Variants in SH3KBP1 observed in about 807,000 individuals in gnomAD.
SH3KBP1 encodes the protein SH3 domain containing kinase binding protein 1.
Under a neutral mutation model 50.1 loss-of-function variants are expected in SH3KBP1, and 8 were observed. The ratio of observed to expected loss-of-function variants is 0.16; its 90% CI spans 0.09 to 0.29. The LOEUF is 0.29. SH3KBP1 is among the 10% of genes least tolerant of loss of function. The pLI is 1.00. For missense variants in SH3KBP1, 377 were observed against 535.2 expected (o/e 0.70, Z 2.92); for synonymous variants, 227 against 218.6 (o/e 1.04, Z -0.34).
chrX:19,584,455 G>A, intron 12 of SH3KBP1, among the ~76,000 whole-genome samples: 1 of 106,478 alleles, frequency 9.4e-6, no homozygotes, highest in East Asian at 2.9e-4. Context: ...TTAGCATCCT[G>A]AGTAGCTGAG....
intron 2 of SH3KBP1, among the ~76,000 whole-genome samples, chrX:19,787,526 T>C (rs2066385314): frequency 9.0e-6 from 1 of 111,451 alleles, no homozygotes; most frequent in Non-Finnish European, 1.9e-5. Context: ...ACAAATTGAA[T>C]CCTCTTGGCA....
At chrX:19,572,450 TTA>T (rs1196008048) in intron 12 of SH3KBP1, among the ~76,000 whole-genome samples, 9 of 107,250 alleles carry the variant, frequency 8.4e-5, no homozygotes, top group Non-Finnish European at 1.3e-4. Flanking sequence ...ATAGTACATG[TTA>T]TATATAGTAC....
At chrX:19,657,205 T>C (rs1460212897) in intron 6 of SH3KBP1, among the ~76,000 whole-genome samples, 1 of 108,785 alleles carries the variant, frequency 9.2e-6, no homozygotes, top group African/African-American at 3.4e-5. Context: ...AGTAAGACCT[T>C]ATCTCTACTA....
intron 1 of SH3KBP1, among the ~76,000 whole-genome samples, chrX:19,839,059 T>C (rs1247420366): frequency 9.0e-6 from 1 of 110,510 alleles, no homozygotes; most frequent in Non-Finnish European, 1.9e-5. Context: ...TCATTCATAA[T>C]ATGGGTTTCT....
intron 7 of SH3KBP1, among the ~76,000 whole-genome samples, chrX:19,634,095 TGA>T (rs2061645085): frequency 1.8e-5 from 1 of 56,088 alleles, no homozygotes; most frequent in Non-Finnish European, 3.4e-5. Context: ...TGTGTGTGTG[TGA>T]CAGAGGGAAA....
At chrX:19,557,227 T>C (rs1004789032) in intron 13 of SH3KBP1, among the ~76,000 whole-genome samples, 3 of 112,060 alleles carry the variant, frequency 2.7e-5, no homozygotes, top group Non-Finnish European at 3.8e-5. Context: ...TTGTTTTTTT[T>C]CTATTTTATT....
chrX:19,618,321 T>C (rs1416336151), intron 8 of SH3KBP1, among the ~76,000 whole-genome samples: 4 of 101,531 alleles, frequency 3.9e-5, no homozygotes, highest in African/African-American at 1.5e-4. Context: ...GAGGTGGAGG[T>C]TGCAGTGAGC....
intron 10 of SH3KBP1, among the ~76,000 whole-genome samples, chrX:19,593,398 T>C (rs1037340665): frequency 6.3e-5 from 7 of 111,716 alleles, no homozygotes; most frequent in Admixed American, 1.9e-4. Flanking sequence ...CCACATCTCA[T>C]TTCTGTCAAT....
At chrX:19,560,429 T>C (rs1238533083) in intron 13 of SH3KBP1, among the ~76,000 whole-genome samples, 1 of 111,896 alleles carries the variant, frequency 8.9e-6, no homozygotes, top group Non-Finnish European at 1.9e-5. Context: ...TAGAGAAACA[T>C]AGACTGTGAC....
intron 2 of SH3KBP1, among the ~76,000 whole-genome samples, chrX:19,779,982 G>C (rs1157813063): frequency 9.0e-6 from 1 of 110,918 alleles, no homozygotes; most frequent in Non-Finnish European, 1.9e-5. Context: ...TAATGGGATG[G>C]TATTTCCAGT....
At chrX:19,751,993 A>G (rs748081475) in intron 2 of SH3KBP1, among the ~76,000 whole-genome samples, 1 of 112,543 alleles carries the variant, frequency 8.9e-6, no homozygotes, top group South Asian at 3.7e-4. Flanking sequence ...CATCCGTTTC[A>G]TACTTTACAG....
chrX:19,553,689 G>A (rs985596946), intron 13 of SH3KBP1, among the ~76,000 whole-genome samples: 5 of 104,362 alleles, frequency 4.8e-5, no homozygotes, highest in Middle Eastern at 4.9e-3. Context: ...GTTGAGGTTT[G>A]CACTAAGAAG....
intron 13 of SH3KBP1, among the ~76,000 whole-genome samples, chrX:19,554,377 A>ATATATATCATATTAAAATATGATATATAT (rs1569279536): frequency 1.2e-4 from 11 of 89,853 alleles, no homozygotes; most frequent in African/African-American, 4.6e-4. Flanking sequence ...TTAAAATATA[A>ATATATATCATATTAAAATATGATATATAT]TATATATCAT....
At chrX:19,852,435 A>G (rs952130190) in intron 1 of SH3KBP1, among the ~76,000 whole-genome samples, 1 of 111,043 alleles carries the variant, frequency 9.0e-6, no homozygotes, top group African/African-American at 3.3e-5. Context: ...ACACAGCAAC[A>G]GGAACTGGAA....
intron 1 of SH3KBP1, among the ~76,000 whole-genome samples, chrX:19,867,832 C>T (rs1351504699): frequency 9.0e-6 from 1 of 110,997 alleles, no homozygotes; most frequent in Non-Finnish European, 1.9e-5. Context: ...TAACCTCCCC[C>T]ATTATCAGAA....
intron 6 of SH3KBP1, among the ~76,000 whole-genome samples, chrX:19,667,812 ATTTTTTTTTTTTTTTT>A (rs779927127): frequency 1.8e-5 from 1 of 55,848 alleles, no homozygotes; most frequent in African/African-American, 8.7e-5. Context: ...TTCTGTTGGG[ATTTTTTTTTTTTTTTT>A]TTTTTTTTTT....
chrX:19,746,085 A>C (rs183860776), intron 3 of SH3KBP1, among the ~76,000 whole-genome samples: 1 of 112,959 alleles, frequency 8.9e-6, no homozygotes, highest in East Asian at 2.8e-4. Context: ...ATCATTTACA[A>C]ATGTAGTCTA....
At chrX:19,773,360 T>G (rs1173900215) in intron 2 of SH3KBP1, among the ~76,000 whole-genome samples, 1 of 111,493 alleles carries the variant, frequency 9.0e-6, no homozygotes, top group African/African-American at 3.3e-5. Context: ...CAGGTTTGTG[T>G]GCATATCTGA....
intron 8 of SH3KBP1, among the ~76,000 whole-genome samples, chrX:19,628,899 C>T (rs941395961): frequency 5.4e-5 from 6 of 110,914 alleles, no homozygotes; most frequent in African/African-American, 2.0e-4. Context: ...GAGTTCAAGA[C>T]CAGCCTGAGC....
Sources: gnomAD v4.1 joint callset for allele counts (sites outside exome capture counted in the v4.1 genomes callset) on GRCh38, gnomAD v4.1.1 for gene constraint, MANE v1.5 for transcripts, NCBI Gene and HGNC (gene_info 2026-07-23, HGNC 2026-07-21) for gene names.